SLC38A11: variants seen among roughly 807,000 people sequenced by gnomAD.
SLC38A11 encodes the protein solute carrier family 38 member 11.
A neutral mutation model predicts 49.4 loss-of-function variants in SLC38A11; 51 were observed. The observed-to-expected ratio is 1.03, with a 90% confidence interval of 0.83 to 1.30. The LOEUF (loss-of-function observed/expected upper bound fraction) is 1.30. SLC38A11 is among the 50% of genes most tolerant of loss of function. The pLI, the probability that SLC38A11 is intolerant of heterozygous loss-of-function variation, is 0.00. For synonymous variants in SLC38A11, 203 were observed against 192.9 expected, an observed-to-expected ratio of 1.05 and a Z score of -0.43; for missense variants, 574 against 556.2, an observed-to-expected ratio of 1.03 and a Z score of -0.32.
At position 164,955,423 on chromosome 2, in the gene SLC38A11, C is replaced by T. The variant is rs1169188359; in HGVS notation, c.-176G>A. ...CTCGGCAGGCCGCGAGGGCTGCAGCCCCAAGATCTCTAGGCTGTGGCAGCC... is the reference window on the plus strand; with the variant it reads ...CTCGGCAGGCCGCGAGGGCTGCAGCTCCAAGATCTCTAGGCTGTGGCAGCC... On this transcript the variant is annotated 5_prime_UTR_variant, in exon 1 of 12. Coordinates refer to ENST00000685975, the MANE Select transcript of SLC38A11 (RefSeq NM_001351537.2). 8 of 608,564 alleles carry T rather than the reference C, an allele frequency of 1.3e-5. No individual in the cohort carries two copies. The South Asian group carries it at 1.6e-4, about 12-fold the overall frequency. 37.7% of individuals were successfully genotyped at this position (608,564 alleles called of 1,614,324 possible). A position where few individuals can be genotyped will look rare whatever the true frequency, so the allele number is the denominator to read the frequency against.
At chr2:164,949,501 A>T (rs896060457) in intron 3 of SLC38A11, among the ~76,000 whole-genome samples, 2 of 152,214 alleles carry the variant, frequency 1.3e-5, no homozygotes, top group African/African-American at 2.4e-5. Context: ...CAAGTGATCC[A>T]CGTGCCTCGG....
At chr2:164,925,810 C>T (rs1287849980) in intron 7 of SLC38A11, among the ~76,000 whole-genome samples, 1 of 151,972 alleles carries the variant, frequency 6.6e-6, no homozygotes, top group Non-Finnish European at 1.5e-5. Context: ...TCTTAATAGC[C>T]CCAGTACCTA....
intron 3 of SLC38A11, among the ~76,000 whole-genome samples, chr2:164,950,579 C>A (rs933655523): frequency 3.9e-5 from 6 of 152,188 alleles, no homozygotes; most frequent in African/African-American, 1.4e-4. Context: ...TTTAAAAATT[C>A]ATGAATGAAT....
At chr2:164,918,920 A>G (rs1685986268) in intron 7 of SLC38A11, among the ~76,000 whole-genome samples, 1 of 152,218 alleles carries the variant, frequency 6.6e-6, no homozygotes, top group Non-Finnish European at 1.5e-5. Flanking sequence ...AAATAAATGG[A>G]GAAATATACC....
chr2:164,907,471 G>T (rs1685098466), intron 11 of SLC38A11, among the ~76,000 whole-genome samples: 1 of 151,750 alleles, frequency 6.6e-6, no homozygotes, highest in South Asian at 2.1e-4. Context: ...TCACTGTGTT[G>T]CCCAGGCTGG....
intron 9 of SLC38A11, chr2:164,912,369 C>T (rs1198816603): frequency 3.3e-5 from 5 of 152,084 alleles, no homozygotes; most frequent in Non-Finnish European, 5.9e-5. Context: ...TGTCTTCTTA[C>T]ATCAGAATCA....
intron 3 of SLC38A11, among the ~76,000 whole-genome samples, chr2:164,948,913 A>C (rs1688323444): frequency 6.8e-6 from 1 of 146,942 alleles, no homozygotes. Context: ...TTTCATAAAT[A>C]CTCAGAGGAA....
At position 164,908,679 on chromosome 2, in the gene SLC38A11, T is replaced by C. The variant is rs761213777; in HGVS notation, c.1056A>G (p.Ser352=). The C allele has an allele frequency of 2.5e-6, 4 of 1,607,730 alleles. No individual in the cohort carries two copies. The Admixed American group carries it at 6.8e-5, about 27-fold the overall frequency. The change falls in exon 11 of 12, where the codon TCA becomes TCG. Residue 352 remains serine, a synonymous_variant. Transcript: ENST00000685975. Reference sequence around the variant, plus strand: ...CTATCCCGAGGCAATCAATCAGCAATGACACAAGCGTGGCTACAGTGATGA... The same window carrying C: ...CTATCCCGAGGCAATCAATCAGCAACGACACAAGCGTGGCTACAGTGATGA... ...VMVITVATLV[S]LLIDCLGIVL... is the part of the protein sequence containing the mutation.
At chr2:164,914,594 C>T (rs561677126) in intron 9 of SLC38A11, among the ~76,000 whole-genome samples, 33 of 150,986 alleles carry the variant, frequency 2.2e-4, no homozygotes, top group Non-Finnish European at 4.0e-4. Context: ...TGCTTGAGCC[C>T]GTTATCTGGG....
intron 7 of SLC38A11, among the ~76,000 whole-genome samples, chr2:164,930,237 C>T (rs1332516487): frequency 2.6e-5 from 4 of 151,962 alleles, no homozygotes; most frequent in African/African-American, 9.7e-5. Context: ...CAATAATGAG[C>T]TCTGAAATGG....
intron 11 of SLC38A11, among the ~76,000 whole-genome samples, chr2:164,900,019 A>T (rs1277921829): frequency 6.6e-6 from 1 of 152,112 alleles, no homozygotes; most frequent in Non-Finnish European, 1.5e-5. Flanking sequence ...GGCATTTAAA[A>T]AAATATTCCA....
In SLC38A11 at chr2:164,955,300, C is replaced by T. The variant is rs1324763267; in HGVS notation, c.-53G>A. ...AAGATGCTGGGGCTGGGTACGGATT[C>T]GCACCCGGCCAGCCTCCTCCGCCAC... On this transcript the variant is annotated 5_prime_UTR_variant, in exon 1 of 12. Coordinates refer to ENST00000685975, the MANE Select transcript of SLC38A11 (RefSeq NM_001351537.2). 7 of 1,516,986 alleles carry T rather than the reference C, an allele frequency of 4.6e-6. No homozygotes were observed. Among genetic ancestry groups the T allele is most frequent in the Non-Finnish European group, 4.5e-6 (5 of 1,116,754 alleles). The allele number at this position is 1,516,986 out of a possible 1,614,324, so 94.0% of individuals were successfully genotyped here.
At chr2:164,899,056 G>A (rs202042724) in intron 11 of SLC38A11, among the ~76,000 whole-genome samples, 1 of 152,068 alleles carries the variant, frequency 6.6e-6, no homozygotes, top group East Asian at 1.9e-4. Context: ...TGTATTTTCA[G>A]TTCATCATAT....
At chr2:164,928,517 T>C (rs572752740) in intron 7 of SLC38A11, among the ~76,000 whole-genome samples, 1 of 152,294 alleles carries the variant, frequency 6.6e-6, no homozygotes, top group South Asian at 2.1e-4. Flanking sequence ...AATGGGTATA[T>C]AGTGTGAACA....
At chr2:164,928,940 C>G (rs1289013308) in intron 7 of SLC38A11, among the ~76,000 whole-genome samples, 1 of 152,116 alleles carries the variant, frequency 6.6e-6, no homozygotes, top group Non-Finnish European at 1.5e-5. Context: ...CTTTCATCAT[C>G]TCATGGAGGA....
Position 164,954,677 on chromosome 2 carries a change from A to T in SLC38A11, c.108T>A (p.Ala36=). 6.5e-7 allele frequency: 1 copy of T among 1,544,162 alleles called. No individual in the cohort carries two copies. The highest frequency in any genetic ancestry group is 8.7e-7 in the Non-Finnish European group (1 of 1,142,998). The change falls in exon 2 of 12, where the codon GCT becomes GCA. Residue 36 remains alanine, a synonymous_variant. Coordinates refer to ENST00000685975, the MANE Select transcript of SLC38A11 (RefSeq NM_001351537.2). ...HEYKEKTCQS[A]ALFNVVNSII... is the part of the protein sequence containing the mutation. Reference sequence around the variant, plus strand: ...TCGAGTTGACAACATTAAAAAGAGCAGCAGACTGACAGGTTTTCTCTTTAT... The same window carrying T: ...TCGAGTTGACAACATTAAAAAGAGCTGCAGACTGACAGGTTTTCTCTTTAT...
intron 7 of SLC38A11, among the ~76,000 whole-genome samples, chr2:164,928,552 C>T (rs1686754447): frequency 6.6e-6 from 1 of 152,092 alleles, no homozygotes; most frequent in Non-Finnish European, 1.5e-5. Context: ...TCTCTTCTCA[C>T]AGTGCTTACA....
At chr2:164,943,679 A>G (rs530549676) in intron 5 of SLC38A11, among the ~76,000 whole-genome samples, 35 of 152,202 alleles carry the variant, frequency 2.3e-4, no homozygotes, top group Middle Eastern at 3.4e-3. Context: ...ATTTTTAGAG[A>G]CAGAATCTCT....
At chr2:164,951,195 C>T (rs1205375095) in intron 3 of SLC38A11, among the ~76,000 whole-genome samples, 2 of 151,992 alleles carry the variant, frequency 1.3e-5, no homozygotes, top group African/African-American at 2.4e-5. Context: ...AAGTCCTGAA[C>T]TTGTATGCAT....
Sources: gnomAD v4.1 joint callset for allele counts (sites outside exome capture counted in the v4.1 genomes callset) on GRCh38, gnomAD v4.1.1 for gene constraint, MANE v1.5 for transcripts, NCBI Gene and HGNC (gene_info 2026-07-23, HGNC 2026-07-21) for gene names.